Variants in ARAP1 observed in about 807,000 individuals in gnomAD.
The protein encoded by ARAP1 is arf-GAP with Rho-GAP domain, ANK repeat and PH domain-containing protein 1.
A neutral mutation model predicts 172.2 loss-of-function variants in ARAP1; 76 were observed. The ratio of observed to expected loss-of-function variants is 0.44; its 90% CI spans 0.37 to 0.53. The LOEUF is 0.53. ARAP1 is among the 20% of genes least tolerant of loss of function. The pLI, the probability that ARAP1 is intolerant of heterozygous loss-of-function variation, is 0.00. For missense variants in ARAP1, 1,686 were observed against 1,977.5 expected (o/e 0.85, Z 2.80); for synonymous variants, 804 against 803.3 (o/e 1.00, Z -0.01).
intron 3 of ARAP1, among the ~76,000 whole-genome samples, chr11:72,717,557 C>T (rs528958569): frequency 6.6e-5 from 10 of 152,310 alleles, no homozygotes; most frequent in Non-Finnish European, 1.0e-4. Context: ...TGATCAACTG[C>T]GACGGGTCTG....
At chr11:72,688,685 A>G in intron 30 of ARAP1, 148 bp from the exon 31 acceptor site, 1 of 648,608 alleles carries the variant, frequency 1.5e-6, no homozygotes, top group South Asian at 1.9e-5. Flanking sequence ...TTCCTGATAA[A>G]GCCCTCCCTG....
chr11:72,691,965 C>T (rs1171930917), intron 30 of ARAP1, among the ~76,000 whole-genome samples: 4 of 152,174 alleles, frequency 2.6e-5, no homozygotes, highest in Admixed American at 6.5e-5. Context: ...GGTTCGCACT[C>T]TTACGAGAAT....
rs542297185 is a variant in ARAP1 at position 72,717,415 on chromosome 11, G to A, written c.510-3094C>T. ...AGCCTGGCTCCCAAAGCTCCCCCAG[G>A]TCTGAGGGCCAGAGCTGAGGGGAAG... On this transcript the variant is annotated intron_variant, in intron 3 of 34. Coordinates refer to ENST00000393609, the MANE Select transcript of ARAP1 (RefSeq NM_001040118.3). Among the ~76,000 whole-genome samples the A allele has an allele frequency of 5.9e-5, 9 of 152,258 alleles. No homozygotes were observed. The South Asian group carries it at 1.9e-3, about 32-fold the overall frequency.
rs575241384 is a variant in ARAP1, at chr11:72,703,236, A to T, written c.1993-157T>A. On this transcript the variant is annotated intron_variant, in intron 14 of 34. Coordinates refer to ENST00000393609, the MANE Select transcript of ARAP1 (RefSeq NM_001040118.3). ...AGAGAATAGGAAGGAAGAAAGAGAG[A>T]AGGAGAGGGAAGAGAGAGGCCAAGG... is the stretch of plus-strand genomic sequence containing the variant. 1.4e-5 allele frequency: 11 copies of T among 793,726 alleles called. No homozygotes were observed. In the East Asian group the frequency reaches 2.9e-4, roughly 21 times the overall value. The allele number at this position is 793,726 out of a possible 1,614,324, so 49.2% of individuals were successfully genotyped here.
chr11:72,704,139 G>C lies in ARAP1; in HGVS notation c.1992+13C>G, dbSNP rs1856647118. The C allele has an allele frequency of 6.2e-7, 1 of 1,614,046 alleles. No individual in the cohort carries two copies. Among genetic ancestry groups the C allele is most frequent in the African/African-American group, 1.3e-5 (1 of 75,074 alleles). On this transcript the variant is annotated intron_variant, in intron 14 of 34. Transcript: ENST00000393609. Reference sequence around the variant, plus strand: ...GGTGGTCCCAAGGGGCCCCAGAGCTGCAGTGCCCTGACCTTGTCCAGCTCC... The same window carrying C: ...GGTGGTCCCAAGGGGCCCCAGAGCTCCAGTGCCCTGACCTTGTCCAGCTCC...
At chr11:72,709,807 G>A (rs898877031) in intron 11 of ARAP1, 63 bp downstream of exon 11, 79 of 1,559,292 alleles carry the variant, frequency 5.1e-5, no homozygotes, top group African/African-American at 6.8e-5. Flanking sequence ...TTCCCACGTC[G>A]CGCAAAAGGA....
intron 3 of ARAP1, among the ~76,000 whole-genome samples, chr11:72,720,718 G>A (rs1441007966): frequency 6.6e-6 from 1 of 152,176 alleles, no homozygotes; most frequent in Admixed American, 6.5e-5. Context: ...GCTACCACTT[G>A]CTAAGCGCTC....
rs1322203907 is a variant in ARAP1, at chr11:72,710,317, GC to G, written c.1416+67del. The G allele has an allele frequency of 1.9e-6, 3 of 1,579,406 alleles. No homozygotes were observed. Among genetic ancestry groups the G allele is most frequent in the Middle Eastern group, 3.3e-4 (2 of 5,982 alleles). ...AGGGAACAGAAAAGGCAGGGCTAAG[GC>G]CCTAGGTCAGCCTGGGGCAGGGTAG... On this transcript the variant is annotated intron_variant, in intron 10 of 34. Coordinates refer to ENST00000393609, the MANE Select transcript of ARAP1 (RefSeq NM_001040118.3). This position sits in a 1 kb window ranked among gnomAD's most constrained non-coding sequence, Gnocchi z 4.3.
intron 14 of ARAP1, 163 bp from the exon 15 acceptor site, chr11:72,703,242 A>G: frequency 2.6e-6 from 2 of 775,352 alleles, no homozygotes; most frequent in Non-Finnish European, 3.9e-6. Context: ...AGAGAAGGAG[A>G]GGGAAGAGAG....
chr11:72,713,329 C>T (rs566401541), intron 4 of ARAP1, 86 bp from the exon 5 acceptor site: 91 of 1,307,860 alleles, frequency 7.0e-5, no homozygotes, highest in Non-Finnish European at 9.4e-5. Flanking sequence ...CAAAGCCTCC[C>T]CCATGCCAAG....
Position 72,709,895 on chromosome 11 carries a change from G to T in ARAP1, c.1498C>A (p.Leu500Ile). 1 of 1,614,184 alleles carries T rather than the reference G, an allele frequency of 6.2e-7. No homozygotes were observed. The highest frequency in any genetic ancestry group is 8.5e-7 in the Non-Finnish European group (1 of 1,180,012). Reference protein sequence around the residue: ...VKEVDRRSFDLTTPYRIFSFS... With the variant: ...VKEVDRRSFDITTPYRIFSFS... ...CTGAAGATGCGGTAGGGCGTGGTGAGGTCGAAGCTGCGCCGGTCCACTTCC... is the reference window on the plus strand; with the variant it reads ...CTGAAGATGCGGTAGGGCGTGGTGATGTCGAAGCTGCGCCGGTCCACTTCC... The change falls in exon 11 of 35, where the codon CTC becomes ATC. Residue 500 changes from leucine to isoleucine, a missense_variant. By Grantham distance (5) the Leu-to-Ile change is conservative (BLOSUM62 2). This residue lies in a region of ARAP1 where 688 missense variants were observed against 856.9 expected (regional missense o/e 0.80). Transcript: ENST00000393609.
Position 72,711,057 on chromosome 11 carries a change from T to C in ARAP1, c.1177A>G (p.Asn393Asp), listed in dbSNP as rs931261359. Residue 393 changes from asparagine to aspartate, a missense_variant, in exon 9 of 35, where the codon AAC becomes GAC. This residue lies in a region of ARAP1 where 688 missense variants were observed against 856.9 expected (regional missense o/e 0.80). Transcript: ENST00000393609. The stretch of plus-strand genomic sequence containing the variant: ...GCCCGGAAGGCAAAGGTTCGGTTGT[T>C]TGTGATCACTTCAAACTTCTGGTCC... ...IGDQKFEVIT[N>D]NRTFAFRAES... The C allele has an allele frequency of 6.2e-7, 1 of 1,614,204 alleles. No individual in the cohort carries two copies. Among genetic ancestry groups the C allele is most frequent in the African/African-American group, 1.3e-5 (1 of 75,054 alleles).
intron 3 of ARAP1, among the ~76,000 whole-genome samples, chr11:72,716,816 C>T (rs1003775502): frequency 3.3e-5 from 5 of 152,198 alleles, no homozygotes; most frequent in South Asian, 2.1e-4. Context: ...CCATGGCAGA[C>T]GAAGGCCTGC....
At chr11:72,745,220 G>A (rs1322100273) in intron 1 of ARAP1, among the ~76,000 whole-genome samples, 46 of 125,030 alleles carry the variant, frequency 3.7e-4, no homozygotes, top group African/African-American at 1.3e-3. Flanking sequence ...ACGGAGTCTC[G>A]CTCTGTCGCC....
rs1857707962 is a variant in ARAP1, at chr11:72,726,839, G to A, written c.290C>T (p.Thr97Ile). ...AGTGGTGGGCAGCGGCTCGGGTGGAGTGGCAGGCACAGGTGGTGAGCGGAA... is the reference window on the plus strand; with the variant it reads ...AGTGGTGGGCAGCGGCTCGGGTGGAATGGCAGGCACAGGTGGTGAGCGGAA... The part of the protein sequence containing the change: ...HIFRSPPVPA[T>I]PPEPLPTTTE... Residue 97 changes from threonine to isoleucine, a missense_variant, in exon 3 of 35, where the codon ACT (threonine) becomes ATT (isoleucine). By Grantham distance (89) the Thr-to-Ile change is moderately conservative. Around this residue, in one of 5 missense-constraint regions of ARAP1, gnomAD observed 190 missense variants for 228.6 expected, o/e 0.83. Coordinates refer to ENST00000393609, the MANE Select transcript of ARAP1 (RefSeq NM_001040118.3). The surrounding 1 kb of genome is among the most constrained non-coding windows in gnomAD (Gnocchi z 6.5). 3 of 1,562,726 alleles carry A rather than the reference G, an allele frequency of 1.9e-6. No homozygotes were observed. The highest frequency in any genetic ancestry group is 1.2e-5 in the South Asian group (1 of 85,256).
chr11:72,711,234 C>A (rs1001815819), intron 8 of ARAP1, 93 bp from the exon 9 acceptor site: 221 of 1,560,082 alleles, frequency 1.4e-4, no homozygotes, highest in Non-Finnish European at 1.9e-4. Flanking sequence ...CTGTCTCCTG[C>A]AGCTGGTTAG....
At chr11:72,702,204 G>A (rs561153996) in intron 15 of ARAP1, among the ~76,000 whole-genome samples, 159 of 152,328 alleles carry the variant, frequency 1.0e-3, no homozygotes, top group African/African-American at 3.6e-3. Flanking sequence ...GGTCAGCGCC[G>A]TGGGGGGGCG....
chr11:72,735,653 G>A lies in ARAP1; in HGVS notation c.-127-3056C>T, dbSNP rs1472375793. Among the ~76,000 whole-genome samples, 2 of 152,274 alleles carry A rather than the reference G, an allele frequency of 1.3e-5. 1 individual carries two copies. Among genetic ancestry groups the A allele is most frequent in the African/African-American group, 4.8e-5 (2 of 41,550 alleles). The stretch of plus-strand genomic sequence containing the variant: ...ATACAGGCCAGGCACTGTACTAAGC[G>A]TTTAACACAGATTGATAGATGACGG... On this transcript the variant is annotated intron_variant, in intron 1 of 34. Transcript: ENST00000393609.
chr11:72,723,629 T>C (rs1448054588), intron 3 of ARAP1, among the ~76,000 whole-genome samples: 1 of 152,198 alleles, frequency 6.6e-6, no homozygotes, highest in Non-Finnish European at 1.5e-5. Flanking sequence ...CTCAGGGCCC[T>C]ATGGCCCAGC....
Sources: allele counts gnomAD v4.1 joint callset (sites outside exome capture counted in the v4.1 genomes callset), GRCh38; gene constraint gnomAD v4.1.1; regional missense constraint gnomAD v4.1.1; non-coding constraint Gnocchi (gnomAD v3.1); transcripts MANE v1.5; gene names NCBI Gene and HGNC (gene_info 2026-07-23, HGNC 2026-07-21).